ERGIC2: variants seen among roughly 807,000 people sequenced by gnomAD.
ERGIC2 encodes the protein ERGIC and golgi 2.
Under a neutral mutation model 52.5 loss-of-function variants are expected in ERGIC2, and 31 were observed. The ratio of observed to expected loss-of-function variants is 0.59; its 90% CI spans 0.44 to 0.80. The LOEUF (loss-of-function observed/expected upper bound fraction) is 0.80. ERGIC2 is among the 30% of genes least tolerant of loss of function. The pLI is 0.00. For synonymous variants in ERGIC2, 129 were observed against 140.6 expected (o/e 0.92, Z 0.58); for missense variants, 395 against 455.2 (o/e 0.87, Z 1.20).
At chr12:29,368,722 C>G (rs1421070085) in intron 3 of ERGIC2, among the ~76,000 whole-genome samples, 1 of 151,868 alleles carries the variant, frequency 6.6e-6, no homozygotes, top group Non-Finnish European at 1.5e-5. Context: ...CAAATATTAT[C>G]TCCTTTATTC....
chr12:29,341,488 G>A (rs1949839882), intron 13 of ERGIC2, among the ~76,000 whole-genome samples: 1 of 151,722 alleles, frequency 6.6e-6, no homozygotes, highest in Non-Finnish European at 1.5e-5. Flanking sequence ...CTCCCACTGT[G>A]CCCTCCCAAG....
intron 6 of ERGIC2, among the ~76,000 whole-genome samples, chr12:29,360,115 T>C (rs371090952): frequency 1.2e-4 from 18 of 152,114 alleles, no homozygotes; most frequent in Admixed American, 1.0e-3. Context: ...GGTGAGGTTG[T>C]ACAGAAACAA....
rs1356957803 is a variant in ERGIC2 at position 29,339,381 on chromosome 12, C to T, written c.*1775G>A. 3 of 152,196 alleles carry T rather than the reference C, an allele frequency of 2.0e-5. No individual in the cohort carries two copies. Among genetic ancestry groups the T allele is most frequent in the African/African-American group, 4.8e-5 (2 of 41,536 alleles). The allele number at this position is 152,196 out of a possible 1,614,324, so 9.4% of individuals were successfully genotyped here. A position where few individuals can be genotyped will look rare whatever the true frequency, so the allele number is the denominator to read the frequency against. On this transcript the variant is annotated 3_prime_UTR_variant, in exon 14 of 14. Transcript: ENST00000360150. ...CCCATTTAGAAAAAGCCTTGAAACTCGATTGAATTTTCTTCCAAGCATACT... is the reference window on the plus strand; with the variant it reads ...CCCATTTAGAAAAAGCCTTGAAACTTGATTGAATTTTCTTCCAAGCATACT...
intron 11 of ERGIC2, among the ~76,000 whole-genome samples, chr12:29,343,668 T>C (rs948739348): frequency 4.6e-5 from 7 of 152,024 alleles, no homozygotes. Context: ...AAAACAGTTT[T>C]ACGTAGGGCA....
chr12:29,365,708 A>G (rs1940351823), intron 5 of ERGIC2, among the ~76,000 whole-genome samples: 1 of 151,784 alleles, frequency 6.6e-6, no homozygotes, highest in African/African-American at 2.4e-5. Flanking sequence ...TTAAATAAGT[A>G]TTCTTAAGAT....
chr12:29,364,594 T>C (rs1940333113), intron 5 of ERGIC2, among the ~76,000 whole-genome samples: 1 of 151,750 alleles, frequency 6.6e-6, no homozygotes, highest in South Asian at 2.1e-4. Flanking sequence ...AAACAAAAAT[T>C]GAAAAGTGGG....
intron 8 of ERGIC2, among the ~76,000 whole-genome samples, chr12:29,353,143 T>A (rs2136859676): frequency 6.6e-6 from 1 of 152,298 alleles, no homozygotes; most frequent in South Asian, 2.1e-4. Flanking sequence ...AATACAATGA[T>A]TAGGGAAATG....
At chr12:29,352,557 A>T (rs1292465588) in intron 8 of ERGIC2, among the ~76,000 whole-genome samples, 2 of 152,066 alleles carry the variant, frequency 1.3e-5, no homozygotes, top group Non-Finnish European at 2.9e-5. Flanking sequence ...CCAGCTACTC[A>T]GGAGGCTGAG....
Position 29,339,412 on chromosome 12 carries a change from G to A in ERGIC2, c.*1744C>T, listed in dbSNP as rs1343319448. The A allele has an allele frequency of 3.9e-5, 6 of 152,008 alleles. No individual in the cohort carries two copies. The highest frequency in any genetic ancestry group is 1.2e-4 in the African/African-American group (5 of 41,400). 9.4% of individuals were successfully genotyped at this position (152,008 alleles called of 1,614,324 possible). ...AATTTTCTTCCAAGCATACTTAAAGGACCAACAATCAGTCTACAATTCTAA... is the reference window on the plus strand; with the variant it reads ...AATTTTCTTCCAAGCATACTTAAAGAACCAACAATCAGTCTACAATTCTAA... On this transcript the variant is annotated 3_prime_UTR_variant, in exon 14 of 14. Coordinates refer to ENST00000360150, the MANE Select transcript of ERGIC2 (RefSeq NM_016570.3).
At chr12:29,368,639 A>C (rs1378058484) in intron 3 of ERGIC2, among the ~76,000 whole-genome samples, 1 of 151,938 alleles carries the variant, frequency 6.6e-6, no homozygotes, top group Non-Finnish European at 1.5e-5. Flanking sequence ...AACTCTCAAA[A>C]TCAAGAATTA....
chr12:29,341,619 C>T lies in ERGIC2; in HGVS notation c.1071+115G>A, dbSNP rs144483733. ...AACTCCTGGGCTCAAGCGATCCTCCCGCCTTAGCCTCCCAAAGTCTTGGGA... is the reference window on the plus strand; with the variant it reads ...AACTCCTGGGCTCAAGCGATCCTCCTGCCTTAGCCTCCCAAAGTCTTGGGA... On this transcript the variant is annotated intron_variant, in intron 13 of 13. Coordinates refer to ENST00000360150, the MANE Select transcript of ERGIC2 (RefSeq NM_016570.3). The T allele has an allele frequency of 7.5e-4, 482 of 646,240 alleles. 2 individuals are homozygous for T. In the East Asian group the frequency reaches 7.5e-3, roughly 10 times the overall value. 40.0% of individuals were successfully genotyped at this position (646,240 alleles called of 1,614,324 possible). A position where few individuals can be genotyped will look rare whatever the true frequency, so the allele number is the denominator to read the frequency against.
intron 11 of ERGIC2, among the ~76,000 whole-genome samples, chr12:29,343,799 T>C (rs1949857143): frequency 6.6e-6 from 1 of 152,138 alleles, no homozygotes; most frequent in South Asian, 2.1e-4. Context: ...GAGTTATAAA[T>C]ATATTGTCAC....
chr12:29,351,204 C>T (rs1469723605), intron 8 of ERGIC2, among the ~76,000 whole-genome samples: 1 of 152,048 alleles, frequency 6.6e-6, no homozygotes, highest in African/African-American at 2.4e-5. Context: ...ATGAAGTTTA[C>T]CACTGACACA....
At chr12:29,354,045 A>C (rs1255844372) in intron 8 of ERGIC2, among the ~76,000 whole-genome samples, 5 of 152,106 alleles carry the variant, frequency 3.3e-5, no homozygotes, top group African/African-American at 1.2e-4. Context: ...AGGGGTTGCT[A>C]TTGGGATTTA....
In ERGIC2 at chr12:29,343,286, A is replaced by C. The variant is rs1341284990; in HGVS notation, c.826-4T>G. The C allele has an allele frequency of 6.3e-7, 1 of 1,576,136 alleles. No homozygotes were observed. The highest frequency in any genetic ancestry group is 1.4e-5 in the African/African-American group (1 of 73,612). ...CAGCATGGTTAATGATACGTTCCTA[A>C]AAGGGAGGCAAAAGGAAGGGGAGAA... is the stretch of plus-strand genomic sequence containing the variant. On this transcript the variant is annotated splice_polypyrimidine_tract_variant and splice_region_variant and intron_variant, in intron 11 of 13. Coordinates refer to ENST00000360150, the MANE Select transcript of ERGIC2 (RefSeq NM_016570.3).
At position 29,338,168 on chromosome 12, in the gene ERGIC2, AG is replaced by A. The variant is rs1949810267; in HGVS notation, c.*2987del. 6.9e-6 allele frequency: 1 copy of A among 144,592 alleles called. No individual in the cohort carries two copies. The highest frequency in any genetic ancestry group is 2.7e-5 in the African/African-American group (1 of 37,442). 9.0% of individuals were successfully genotyped at this position (144,592 alleles called of 1,614,324 possible). On this transcript the variant is annotated 3_prime_UTR_variant, in exon 14 of 14. Coordinates refer to ENST00000360150, the MANE Select transcript of ERGIC2 (RefSeq NM_016570.3). Reference sequence around the variant, plus strand: ...CAGCCTAGGCGACAGAGCGAGACTCAGTTTCAAAAAAAAAAAAAAAAAAATT... The same window carrying A: ...CAGCCTAGGCGACAGAGCGAGACTCATTTCAAAAAAAAAAAAAAAAAAATT...
chr12:29,351,148 CA>C (rs200644077), intron 8 of ERGIC2, among the ~76,000 whole-genome samples: 29 of 149,972 alleles, frequency 1.9e-4, no homozygotes, highest in African/African-American at 7.4e-5. Flanking sequence ...TTATATCTGA[CA>C]AAAAAAAACC....
chr12:29,345,565 T>C, intron 10 of ERGIC2, 25 bp from the exon 11 acceptor site: 2 of 1,237,700 alleles, frequency 1.6e-6, no homozygotes, highest in Non-Finnish European at 2.4e-6. Context: ...AAACTTTTTA[T>C]CAATTCAGTA....
At chr12:29,341,365 CTCTCTA>C (rs1032029449) in intron 13 of ERGIC2, 147 bp from the exon 14 acceptor site, 29 of 682,784 alleles carry the variant, frequency 4.2e-5, no homozygotes, top group Admixed American at 1.4e-4. Flanking sequence ...ATTTCTCTAT[CTCTCTA>C]TCTCTATCTT....
Sources: allele counts gnomAD v4.1 joint callset (sites outside exome capture counted in the v4.1 genomes callset), GRCh38; gene constraint gnomAD v4.1.1; transcripts MANE v1.5; gene names NCBI Gene and HGNC (gene_info 2026-07-23, HGNC 2026-07-21).